The following PCDHGA1 variants were observed in gnomAD, a reference collection of about 807,000 sequenced individuals.
PCDHGA1 encodes protocadherin gamma-A1.
A neutral mutation model predicts 58.0 loss-of-function variants in PCDHGA1; 32 were observed. The observed-to-expected ratio is 0.55, with a 90% confidence interval of 0.42 to 0.74. The LOEUF is 0.74. Among genes scored for constraint, PCDHGA1 ranks in the 30% least tolerant of loss-of-function variants. The pLI is 0.00. For missense variants in PCDHGA1, 1,205 were observed against 1,182.3 expected, an observed-to-expected ratio of 1.02 and a Z score of -0.28; for synonymous variants, 498 against 501.1, an observed-to-expected ratio of 0.99 and a Z score of 0.08.
At chr5:141,455,225 C>CA (rs2098817003) in intron 1 of PCDHGA1, among the ~76,000 whole-genome samples, 2 of 151,666 alleles carry the variant, frequency 1.3e-5, no homozygotes, top group South Asian at 2.1e-4. Context: ...AATGCTTTGA[C>CA]AAAAAATGTT....
intron 1 of PCDHGA1, chr5:141,364,631 C>T: frequency 6.2e-7 from 1 of 1,614,122 alleles, no homozygotes; most frequent in African/African-American, 1.3e-5. Flanking sequence ...TCAGAGCCCA[C>T]TGTGTGTGGT....
intron 1 of PCDHGA1, among the ~76,000 whole-genome samples, chr5:141,450,572 T>C (rs1276283357): frequency 6.6e-6 from 1 of 151,710 alleles, no homozygotes; most frequent in Non-Finnish European, 1.5e-5. Context: ...CTGCAACTTC[T>C]GCCTCCCAGG....
At chr5:141,355,876 G>A (rs1760026876) in intron 1 of PCDHGA1, 1 of 1,612,914 alleles carries the variant, frequency 6.2e-7, no homozygotes, top group African/African-American at 1.3e-5. Context: ...CTCTGGCACT[G>A]CCAGGATTCT....
intron 1 of PCDHGA1, chr5:141,344,274 A>G: frequency 6.2e-7 from 1 of 1,614,106 alleles, no homozygotes; most frequent in Non-Finnish European, 8.5e-7. Flanking sequence ...GAATCCGCAA[A>G]GCGGCAGCTT....
At position 141,370,970 on chromosome 5, in the gene PCDHGA1, A is replaced by G. The variant is rs773655204; in HGVS notation, c.2421+37865A>G. The G allele has an allele frequency of 4.3e-6, 7 of 1,614,032 alleles. 1 individual carries two copies. Among genetic ancestry groups the G allele is most frequent in the East Asian group, 4.5e-5 (2 of 44,890 alleles). The stretch of plus-strand genomic sequence containing the variant: ...AGAACCTGGATGGCAGTAGGTACCC[A>G]GAGCTAGTACTGAAAGCACCCCTGG... On this transcript the variant is annotated intron_variant, in intron 1 of 3. Transcript: ENST00000517417.
intron 1 of PCDHGA1, chr5:141,422,195 A>G: frequency 6.4e-7 from 1 of 1,562,278 alleles, no homozygotes; most frequent in African/African-American, 1.4e-5. Flanking sequence ...ATTCAAGGCC[A>G]AGATGGTGGA....
intron 1 of PCDHGA1, chr5:141,341,438 A>G (rs747347406): frequency 2.0e-5 from 33 of 1,610,908 alleles, no homozygotes; most frequent in Non-Finnish European, 2.5e-5. Flanking sequence ...TAGTTTGCTG[A>G]AGTAATTCAC....
chr5:141,493,021 G>C lies in PCDHGA1; in HGVS notation c.2422-1786G>C, dbSNP rs1261539371. On this transcript the variant is annotated intron_variant, in intron 1 of 3. Transcript: ENST00000517417. This position sits in a 1 kb window ranked among gnomAD's most constrained non-coding sequence, Gnocchi z 4.3. ...AGCTATAGGCTCTGCCAGATGCCAG[G>C]GTGCCCTTATGTGTGAGGAAACTAC... Among the ~76,000 whole-genome samples, 1 of 152,180 alleles carries C rather than the reference G, an allele frequency of 6.6e-6. No individual in the cohort carries two copies. The highest frequency in any genetic ancestry group is 6.5e-5 in the Admixed American group (1 of 15,284).
At chr5:141,356,340 C>G in intron 1 of PCDHGA1, 1 of 1,554,780 alleles carries the variant, frequency 6.4e-7, no homozygotes, top group Non-Finnish European at 8.7e-7. Flanking sequence ...GAGGAAATGG[C>G]CTAGTCACAT....
chr5:141,490,951 T>G lies in PCDHGA1; in HGVS notation c.2422-3856T>G, dbSNP rs778168052. On this transcript the variant is annotated intron_variant, in intron 1 of 3. Transcript: ENST00000517417. The surrounding 1 kb of genome is among the most constrained non-coding windows in gnomAD (Gnocchi z 5.4). ...AGCTGTGCTGCACCCACGGCCAGACTGGGAACACTCAGCCCCCCAGCGTCT... is the reference window on the plus strand; with the variant it reads ...AGCTGTGCTGCACCCACGGCCAGACGGGGAACACTCAGCCCCCCAGCGTCT... The G allele has an allele frequency of 6.2e-7, 1 of 1,613,638 alleles. No individual in the cohort carries two copies. The highest frequency in any genetic ancestry group is 1.3e-5 in the African/African-American group (1 of 74,900).
At chr5:141,382,720 T>A in intron 1 of PCDHGA1, 2 of 480,118 alleles carry the variant, frequency 4.2e-6, no homozygotes, top group South Asian at 6.2e-5. Flanking sequence ...AACCACCGAG[T>A]TTTACAGCAC....
At chr5:141,474,557 G>T (rs1261720500) in intron 1 of PCDHGA1, among the ~76,000 whole-genome samples, 2 of 152,184 alleles carry the variant, frequency 1.3e-5, no homozygotes, top group Admixed American at 1.3e-4. Context: ...AAAACTGGGG[G>T]TTTTCAGAGA....
At chr5:141,460,912 GTA>G (rs34683754) in intron 1 of PCDHGA1, among the ~76,000 whole-genome samples, 12 of 149,310 alleles carry the variant, frequency 8.0e-5, no homozygotes, top group African/African-American at 7.4e-5. Flanking sequence ...ATTCCATGGT[GTA>G]TATATATATA....
Position 141,331,781 on chromosome 5 carries a change from T to C in PCDHGA1, c.1097T>C (p.Ile366Thr). 1.9e-6 allele frequency: 3 copies of C among 1,614,162 alleles called. No individual in the cohort carries two copies. The highest frequency in any genetic ancestry group is 2.5e-6 in the Non-Finnish European group (3 of 1,180,026). Reference protein sequence around the residue: ...VPENFPPGTIIALISVHDQDS... With the variant: ...VPENFPPGTITALISVHDQDS... The stretch of plus-strand genomic sequence containing the variant: ...GAAAACTTTCCTCCTGGGACCATAA[T>C]TGCTCTTATCAGTGTGCATGACCAG... The change falls in exon 1 of 4, where the codon ATT becomes ACT. Residue 366 changes from isoleucine (I) to threonine (T), a missense_variant. Transcript: ENST00000517417.
At chr5:141,375,723 C>G in intron 1 of PCDHGA1, 1 of 1,614,274 alleles carries the variant, frequency 6.2e-7, no homozygotes, top group Non-Finnish European at 8.5e-7. Context: ...AGCAACGTGT[C>G]ACTGAGCCTG....
chr5:141,501,288 TATACACAC>T (rs1482707793), intron 2 of PCDHGA1, among the ~76,000 whole-genome samples: 1 of 81,228 alleles, frequency 1.2e-5, no homozygotes, highest in African/African-American at 4.9e-5. Flanking sequence ...GATATTCCCT[TATACACAC>T]ACACACACAC....
chr5:141,390,137 T>C lies in PCDHGA1; in HGVS notation c.2421+57032T>C, dbSNP rs373308909. The stretch of plus-strand genomic sequence containing the variant: ...AGGGGACTTTGCCTTATTCCTACAA[T>C]CTATGTGTTGCACATACAGGAAAGA... On this transcript the variant is annotated intron_variant, in intron 1 of 3. Coordinates refer to ENST00000517417, the MANE Select transcript of PCDHGA1 (RefSeq NM_018912.3). 3.1e-4 allele frequency: 506 copies of C among 1,614,052 alleles called. 2 individuals carry two copies. The African/African-American group carries it at 6.2e-3, about 20-fold the overall frequency.
chr5:141,431,699 T>C lies in PCDHGA1; in HGVS notation c.2422-63108T>C. ...GGAGTTGGACCACGAGGAGTCAGGA[T>C]TCTACCAGATGGAAGTGCAAGCAAT... is the stretch of plus-strand genomic sequence containing the variant. On this transcript the variant is annotated intron_variant, in intron 1 of 3. Coordinates refer to ENST00000517417, the MANE Select transcript of PCDHGA1 (RefSeq NM_018912.3). The surrounding 1 kb of genome is among the most constrained non-coding windows in gnomAD (Gnocchi z 4.8). 6.2e-7 allele frequency: 1 copy of C among 1,614,222 alleles called. No individual in the cohort carries two copies. Among genetic ancestry groups the C allele is most frequent in the South Asian group, 1.1e-5 (1 of 91,074 alleles).
chr5:141,420,477 A>T (rs1469261817), intron 1 of PCDHGA1: 3 of 626,262 alleles, frequency 4.8e-6, no homozygotes, highest in Non-Finnish European at 7.0e-6. Flanking sequence ...TTTAAAGCAA[A>T]CTACATGGGT....
Sources: allele counts gnomAD v4.1 joint callset (sites outside exome capture counted in the v4.1 genomes callset), GRCh38; gene constraint gnomAD v4.1.1; non-coding constraint Gnocchi (gnomAD v3.1); transcripts MANE v1.5; gene names NCBI Gene and HGNC (gene_info 2026-07-23, HGNC 2026-07-21).